The following PITPNM2 variants were observed in gnomAD, a reference collection of about 807,000 sequenced individuals.
PITPNM2 encodes membrane-associated phosphatidylinositol transfer protein 2.
A neutral mutation model predicts 132.2 loss-of-function variants in PITPNM2; 35 were observed. The ratio of observed to expected loss-of-function variants is 0.26; its 90% CI spans 0.20 to 0.35. PITPNM2 has a LOEUF of 0.35. Among genes scored for constraint, PITPNM2 ranks in the 10% least tolerant of loss-of-function variants. PITPNM2 has a pLI of 1.00. For synonymous variants in PITPNM2, 738 were observed against 799.2 expected (o/e 0.92, Z 1.29); for missense variants, 1,332 against 1,912.0 (o/e 0.70, Z 5.66).
rs1276404745 is a variant in PITPNM2, at chr12:122,986,109, C to T, written c.3968G>A (p.Arg1323His). Residue 1323 changes from arginine to histidine, a missense_variant, in exon 26 of 26, where the codon CGC (arginine) becomes CAC (histidine). Transcript: ENST00000320201. ...GCAGCCGGCCGCCACACTCATGCTG[C>T]GCTGGCCCCGCTGCTCGCCATCCGC... Reference protein sequence around the residue: ...SQADGEQRGQRSMSVAAGCWG... With the variant: ...SQADGEQRGQHSMSVAAGCWG... The T allele has an allele frequency of 6.0e-6, 9 of 1,493,064 alleles. No individual in the cohort carries two copies. Among genetic ancestry groups the T allele is most frequent in the Middle Eastern group, 2.2e-4 (1 of 4,518 alleles). The allele number at this position is 1,493,064 out of a possible 1,614,324, so 92.5% of individuals were successfully genotyped here.
chr12:123,112,439 G>T (rs2042857300), intron 1 of PITPNM2, among the ~76,000 whole-genome samples: 3 of 152,150 alleles, frequency 2.0e-5, no homozygotes, highest in African/African-American at 7.2e-5. Flanking sequence ...TCCTGGAGGG[G>T]AGCAGGGCAT....
At chr12:123,040,162 A>T (rs1265293558) in intron 2 of PITPNM2, among the ~76,000 whole-genome samples, 1 of 152,222 alleles carries the variant, frequency 6.6e-6, no homozygotes, top group Non-Finnish European at 1.5e-5. Context: ...TTAAAAAAAA[A>T]TTAATGACTT....
rs1000332148 is a variant in PITPNM2, at chr12:122,994,710, G to A, written c.2233+91C>T. On this transcript the variant is annotated intron_variant, in intron 15 of 25. Transcript: ENST00000320201. The surrounding 1 kb of genome is among the most constrained non-coding windows in gnomAD (Gnocchi z 5.4). ...AGGAGGGCAGAAACAGGCCTGGGAC[G>A]TGGCCATGATCTCATCACAGGGGTC... The A allele has an allele frequency of 2.9e-6, 4 of 1,360,894 alleles. No individual in the cohort carries two copies. Among genetic ancestry groups the A allele is most frequent in the South Asian group, 2.9e-5 (2 of 68,058 alleles). 84.3% of individuals were successfully genotyped at this position (1,360,894 alleles called of 1,614,324 possible).
At position 123,039,699 on chromosome 12, in the gene PITPNM2, G is replaced by A. The variant is rs186997040; in HGVS notation, c.-95-5014C>T. 2.9e-4 allele frequency among the ~76,000 whole-genome samples: 44 copies of A among 152,230 alleles called. 1 individual carries two copies. In the East Asian group the frequency reaches 6.4e-3, roughly 22 times the overall value. On this transcript the variant is annotated intron_variant, in intron 2 of 25. Coordinates refer to ENST00000320201, the MANE Select transcript of PITPNM2 (RefSeq NM_020845.3). ...AAGAGTGAGCCCTTGTGTAATCTAC[G>A]GACTTAGGGCGATGCCATGTCACTG...
rs1033363546 is a variant in PITPNM2 at position 123,077,947 on chromosome 12, C to T, written c.-96+32438G>A. ...CATGCTGCCGGCCTCAGGGGGCCGC[C>T]CCCAGCACGCAGCTCTCCCAGCAGC... On this transcript the variant is annotated intron_variant, in intron 2 of 25. Transcript: ENST00000320201. The surrounding 1 kb of genome is among the most constrained non-coding windows in gnomAD (Gnocchi z 4.8). 1.3e-5 allele frequency among the ~76,000 whole-genome samples: 2 copies of T among 152,236 alleles called. No homozygotes were observed. Among genetic ancestry groups the T allele is most frequent in the Admixed American group, 6.5e-5 (1 of 15,304 alleles).
chr12:123,109,277 C>G (rs2042785787), intron 2 of PITPNM2, among the ~76,000 whole-genome samples: 2 of 152,240 alleles, frequency 1.3e-5, no homozygotes, highest in African/African-American at 2.4e-5. Flanking sequence ...CACTTTACCT[C>G]CTGTTCCACC....
chr12:123,129,570 GA>G (rs112969907), intron 1 of PITPNM2, among the ~76,000 whole-genome samples: 527 of 144,160 alleles, frequency 3.7e-3, no homozygotes, highest in African/African-American at 0.012. Flanking sequence ...TCCGTCTCAA[GA>G]AAAAAAAAAA....
chr12:122,988,217 G>T lies in PITPNM2; in HGVS notation c.2997+17C>A. 1 of 1,605,500 alleles carries T rather than the reference G, an allele frequency of 6.2e-7. No individual in the cohort carries two copies. The highest frequency in any genetic ancestry group is 8.5e-7 in the Non-Finnish European group (1 of 1,174,332). The stretch of plus-strand genomic sequence containing the variant: ...AGGGTGACATCGTGGGGGCCTGGGC[G>T]CCCGGGGGACCCTCACCCGCAGCTT... On this transcript the variant is annotated intron_variant, in intron 20 of 25. Transcript: ENST00000320201.
In PITPNM2 at chr12:122,992,418, G is replaced by A. The variant is rs1460508777; in HGVS notation, c.2404+81C>T. ...TCCCTCTCACCTGGGGAAGAACCAC[G>A]TAGCATGGAGGACCTAGGAGCCAGG... On this transcript the variant is annotated intron_variant, in intron 16 of 25. Transcript: ENST00000320201. This position sits in a 1 kb window ranked among gnomAD's most constrained non-coding sequence, Gnocchi z 6.5. The A allele has an allele frequency of 1.8e-5, 26 of 1,483,434 alleles. No homozygotes were observed. The highest frequency in any genetic ancestry group is 2.4e-4 in the Middle Eastern group (1 of 4,172). The allele number at this position is 1,483,434 out of a possible 1,614,324, so 91.9% of individuals were successfully genotyped here. A position where few individuals can be genotyped will look rare whatever the true frequency, so the allele number is the denominator to read the frequency against.
At chr12:123,128,709 G>A (rs1237078791) in intron 1 of PITPNM2, among the ~76,000 whole-genome samples, 2 of 149,408 alleles carry the variant, frequency 1.3e-5, no homozygotes, top group African/African-American at 5.0e-5. Flanking sequence ...CAAAGATCGC[G>A]CCACTGCACT....
rs1443613463 is a variant in PITPNM2, at chr12:122,984,831, T to G, written c.*1196A>C. 6.6e-6 allele frequency: 1 copy of G among 152,258 alleles called. No homozygotes were observed. Among genetic ancestry groups the G allele is most frequent in the East Asian group, 1.9e-4 (1 of 5,210 alleles). The allele number at this position is 152,258 out of a possible 1,614,324, so 9.4% of individuals were successfully genotyped here. A position where few individuals can be genotyped will look rare whatever the true frequency, so the allele number is the denominator to read the frequency against. On this transcript the variant is annotated 3_prime_UTR_variant, in exon 26 of 26. Coordinates refer to ENST00000320201, the MANE Select transcript of PITPNM2 (RefSeq NM_020845.3). ...TTGAGCGCCACAGCCAAGGTCACGC[T>G]TGGTGCTGGGGAGAGAGGGCAGACG...
Position 122,985,113 on chromosome 12 carries a change from G to A in PITPNM2, c.*914C>T, listed in dbSNP as rs1481904541. The A allele has an allele frequency of 6.6e-6, 1 of 152,584 alleles. No homozygotes were observed. The highest frequency in any genetic ancestry group is 1.5e-5 in the Non-Finnish European group (1 of 68,062). 9.5% of individuals were successfully genotyped at this position (152,584 alleles called of 1,614,324 possible). On this transcript the variant is annotated 3_prime_UTR_variant, in exon 26 of 26. Coordinates refer to ENST00000320201, the MANE Select transcript of PITPNM2 (RefSeq NM_020845.3). ...CAGGGCCCACGGGACCCAGAACCAGGCTGGACTCCGTCACAGTGCTGGGTG... is the reference window on the plus strand; with the variant it reads ...CAGGGCCCACGGGACCCAGAACCAGACTGGACTCCGTCACAGTGCTGGGTG...
chr12:123,069,560 A>G (rs1286015466), intron 2 of PITPNM2, among the ~76,000 whole-genome samples: 1 of 152,106 alleles, frequency 6.6e-6, no homozygotes. Context: ...GTGCTCAAAG[A>G]GCCCTTCCCC....
At position 123,108,837 on chromosome 12, in the gene PITPNM2, C is replaced by G. The variant is rs113444109; in HGVS notation, c.-96+1548G>C. 3.3e-5 allele frequency among the ~76,000 whole-genome samples: 5 copies of G among 151,920 alleles called. No homozygotes were observed. Among genetic ancestry groups the G allele is most frequent in the African/African-American group, 7.3e-5 (3 of 41,328 alleles). On this transcript the variant is annotated intron_variant, in intron 2 of 25. Coordinates refer to ENST00000320201, the MANE Select transcript of PITPNM2 (RefSeq NM_020845.3). The surrounding 1 kb of genome is among the most constrained non-coding windows in gnomAD (Gnocchi z 4.4). Reference sequence around the variant, plus strand: ...TCTTCCCAGCAAGGATGAGGGCACCCGGAGAAGGGAAGGGACTTACCCGAG... The same window carrying G: ...TCTTCCCAGCAAGGATGAGGGCACCGGGAGAAGGGAAGGGACTTACCCGAG...
intron 2 of PITPNM2, among the ~76,000 whole-genome samples, chr12:123,093,352 G>A (rs1317785879): frequency 1.3e-5 from 2 of 152,068 alleles, no homozygotes; most frequent in South Asian, 2.1e-4. Flanking sequence ...TAACTGTGGT[G>A]TTCATTATAC....
intron 2 of PITPNM2, among the ~76,000 whole-genome samples, chr12:123,054,069 A>G (rs1277591306): frequency 6.6e-6 from 1 of 151,700 alleles, no homozygotes; most frequent in Non-Finnish European, 1.5e-5. Context: ...CATATCTGTC[A>G]TTTTTCACTT....
intron 3 of PITPNM2, chr12:123,021,810 C>G: frequency 1.5e-6 from 1 of 679,680 alleles, no homozygotes; most frequent in Non-Finnish European, 1.8e-6. Context: ...TCTGTGTGGT[C>G]TCTGATAAGT....
rs553549257 is a variant in PITPNM2, at chr12:122,987,188, A to G, written c.3413+93T>C. ...AGTGCCCGAGCCAGGCGTCCCCCACAGAGGCTCCGCTGTCCTCCTCCACCT... is the reference window on the plus strand; with the variant it reads ...AGTGCCCGAGCCAGGCGTCCCCCACGGAGGCTCCGCTGTCCTCCTCCACCT... On this transcript the variant is annotated intron_variant, in intron 23 of 25. Coordinates refer to ENST00000320201, the MANE Select transcript of PITPNM2 (RefSeq NM_020845.3). The G allele has an allele frequency of 5.8e-6, 9 of 1,552,726 alleles. No homozygotes were observed. In the African/African-American group the frequency reaches 1.1e-4, roughly 19 times the overall value.
intron 1 of PITPNM2, among the ~76,000 whole-genome samples, chr12:123,130,881 A>C (rs1210833870): frequency 6.6e-6 from 1 of 152,160 alleles, no homozygotes; most frequent in East Asian, 1.9e-4. Flanking sequence ...CTGAGTCAGG[A>C]GGTGGCCAGG....
Sources: gnomAD v4.1 joint callset for allele counts (sites outside exome capture counted in the v4.1 genomes callset) on GRCh38, gnomAD v4.1.1 for gene constraint, Gnocchi (gnomAD v3.1) non-coding constraint, MANE v1.5 for transcripts, NCBI Gene and HGNC (gene_info 2026-07-23, HGNC 2026-07-21) for gene names.